RGP1: variants seen among roughly 807,000 people sequenced by gnomAD.
RGP1 encodes the protein RAB6A-GEF complex partner protein 2.
A neutral mutation model predicts 44.5 loss-of-function variants in RGP1; 28 were observed. That is an observed-to-expected ratio of 0.63 (90% CI 0.47 to 0.86). The LOEUF is 0.86. Among genes scored for constraint, RGP1 ranks in the 40% least tolerant of loss-of-function variants. The probability of loss-of-function intolerance (pLI) is 0.00; values close to 1 mark genes in which losing one functional copy is unlikely to be tolerated. For missense variants in RGP1, 417 were observed against 490.7 expected (o/e 0.85, Z 1.42); for synonymous variants, 212 against 196.7 (o/e 1.08, Z -0.65).
At position 35,753,721 on chromosome 9, in the gene RGP1, G is replaced by A. The variant is rs777178904; in HGVS notation, c.*847G>A. The A allele has an allele frequency of 1.2e-6, 2 of 1,614,172 alleles. No individual in the cohort carries two copies. Among genetic ancestry groups the A allele is most frequent in the Non-Finnish European group, 1.7e-6 (2 of 1,180,026 alleles). ...GTGCAATGGAAACAGTCCTTGCGGA[G>A]CCAAGACTCACCCAGGGTAAAATAT... On this transcript the variant is annotated 3_prime_UTR_variant, in exon 9 of 9. Coordinates refer to ENST00000378078, the MANE Select transcript of RGP1 (RefSeq NM_001080496.3). The surrounding 1 kb of genome is among the most constrained non-coding windows in gnomAD (Gnocchi z 4.2).
chr9:35,753,148 G>A lies in RGP1; in HGVS notation c.*274G>A. On this transcript the variant is annotated 3_prime_UTR_variant, in exon 9 of 9. Transcript: ENST00000378078. The surrounding 1 kb of genome is among the most constrained non-coding windows in gnomAD (Gnocchi z 4.2). ...CCCCAGGAACAGGGGTGTTGGCTGA[G>A]CCCCATTCTGGGTCAGGCCCTCCCC... The A allele has an allele frequency of 6.2e-7, 1 of 1,614,212 alleles. No homozygotes were observed. Among genetic ancestry groups the A allele is most frequent in the Non-Finnish European group, 8.5e-7 (1 of 1,180,036 alleles).
chr9:35,775,367 G>A, the RGP1 span, among the ~76,000 whole-genome samples: 1 of 152,178 alleles, frequency 6.6e-6, no homozygotes, highest in Non-Finnish European at 1.5e-5. Flanking sequence ...TGGGAAGGAG[G>A]GGAAGTGCAA....
At chr9:35,781,761 C>T in the RGP1 span, among the ~76,000 whole-genome samples, 4 of 151,770 alleles carry the variant, frequency 2.6e-5, no homozygotes, top group Admixed American at 6.6e-5. Context: ...TACATCTGTT[C>T]TGTTATTGCT....
At position 35,756,560 on chromosome 9, in the gene RGP1, G is replaced by A. The variant is rs1446301914; in HGVS notation, c.*3686G>A. On this transcript the variant is annotated 3_prime_UTR_variant, in exon 9 of 9. Transcript: ENST00000378078. ...GAGGCACGGCCTGGGCCTGCTCTCT[G>A]GGCTGGAGCAGGTGGATTCGAAGGC... 1.3e-5 allele frequency: 2 copies of A among 152,396 alleles called. No homozygotes were observed. The highest frequency in any genetic ancestry group is 2.9e-5 in the Non-Finnish European group (2 of 68,166). The allele number at this position is 152,396 out of a possible 1,614,324, so 9.4% of individuals were successfully genotyped here. A position where few individuals can be genotyped will look rare whatever the true frequency, so the allele number is the denominator to read the frequency against.
chr9:35,760,420 G>A (rs970524277), downstream of RGP1, among the ~76,000 whole-genome samples: 10 of 152,178 alleles, frequency 6.6e-5, no homozygotes, highest in African/African-American at 2.2e-4. Context: ...TATCTCAGAT[G>A]TGACAACCAA....
chr9:35,758,808 A>AT (rs796906645), downstream of RGP1, among the ~76,000 whole-genome samples: 276 of 146,180 alleles, frequency 1.9e-3, no homozygotes, highest in African/African-American at 3.1e-3. Context: ...TGCTTCACTG[A>AT]TTTTTTTTTT....
chr9:35,774,074 C>A, the RGP1 span, among the ~76,000 whole-genome samples: 1 of 152,186 alleles, frequency 6.6e-6, no homozygotes, highest in South Asian at 2.1e-4. Flanking sequence ...AAACTTTATT[C>A]TCTGATGATA....
the RGP1 span, among the ~76,000 whole-genome samples, chr9:35,781,285 C>G: frequency 6.6e-6 from 1 of 151,500 alleles, no homozygotes; most frequent in African/African-American, 2.4e-5. Flanking sequence ...GCCAGGACCA[C>G]CTGGTGGACT....
chr9:35,783,189 T>C, the RGP1 span, among the ~76,000 whole-genome samples: 1 of 152,138 alleles, frequency 6.6e-6, no homozygotes, highest in Non-Finnish European at 1.5e-5. Context: ...AGTTTAATTT[T>C]CTCTTTTTAT....
the RGP1 span, among the ~76,000 whole-genome samples, chr9:35,781,982 C>A: frequency 8.2e-6 from 1 of 121,850 alleles, no homozygotes; most frequent in Admixed American, 8.9e-5. Flanking sequence ...TTATTTCTCT[C>A]GTTTTTTTTT....
Position 35,750,641 on chromosome 9 carries a change from A to G in RGP1, c.254-17A>G. The G allele has an allele frequency of 6.2e-7, 1 of 1,613,188 alleles. No homozygotes were observed. The highest frequency in any genetic ancestry group is 8.5e-7 in the Non-Finnish European group (1 of 1,179,298). ...TGGACAATGGGTCATTAAATTAGTC[A>G]TTTTTACCTTTTTCAGGTGAGAGGG... On this transcript the variant is annotated splice_polypyrimidine_tract_variant and intron_variant, in intron 3 of 8. Transcript: ENST00000378078.
chr9:35,759,139 C>T (rs977913902), downstream of RGP1, among the ~76,000 whole-genome samples: 3 of 152,218 alleles, frequency 2.0e-5, no homozygotes, highest in African/African-American at 4.8e-5. Context: ...ACTCTCCCAA[C>T]GTTTTGCATC....
At chr9:35,779,749 CT>C in the RGP1 span, among the ~76,000 whole-genome samples, 1 of 151,406 alleles carries the variant, frequency 6.6e-6, no homozygotes, top group Non-Finnish European at 1.5e-5. Context: ...GAGCCAGCAT[CT>C]TTTTTTTTAA....
At position 35,752,925 on chromosome 9, in the gene RGP1, C is replaced by T. The variant is rs1292215988; in HGVS notation, c.*51C>T. The T allele has an allele frequency of 3.2e-6, 5 of 1,585,178 alleles. No homozygotes were observed. The African/African-American group carries it at 6.7e-5, about 21-fold the overall frequency. On this transcript the variant is annotated 3_prime_UTR_variant, in exon 9 of 9. Transcript: ENST00000378078. ...CTTCCGGATACTGAGAACTCAGCAC[C>T]TGGACTCTAATGGGACCCACTTTTT... is the stretch of plus-strand genomic sequence containing the variant.
At chr9:35,790,127 T>C in the RGP1 span, 1 of 97,120 alleles carries the variant, frequency 1.0e-5, no homozygotes, top group African/African-American at 5.3e-5. Context: ...CTTTTGACTG[T>C]TCCTTTTTTT....
Position 35,757,967 on chromosome 9 carries a change from A to C in RGP1, c.*5093A>C, listed in dbSNP as rs1306007287. The C allele has an allele frequency of 1.3e-5, 2 of 152,264 alleles. No homozygotes were observed. The highest frequency in any genetic ancestry group is 3.8e-4 in the East Asian group (2 of 5,208). The allele number at this position is 152,264 out of a possible 1,614,324, so 9.4% of individuals were successfully genotyped here. ...CACAATCTAATTCAATATTTGACTT[A>C]AAACCAAAAGTGAGGCTCTCAGATT... is the stretch of plus-strand genomic sequence containing the variant. On this transcript the variant is annotated 3_prime_UTR_variant, in exon 9 of 9. Transcript: ENST00000378078.
At chr9:35,750,765 A>T (rs578025826) in intron 4 of RGP1, 24 bp downstream of exon 4, 3 of 1,613,866 alleles carry the variant, frequency 1.9e-6, no homozygotes, top group Non-Finnish European at 2.5e-6. Context: ...CCCATCCCTG[A>T]ATTGCCTTCT....
the RGP1 span, among the ~76,000 whole-genome samples, chr9:35,777,256 A>G: frequency 6.9e-6 from 1 of 144,504 alleles, no homozygotes; most frequent in East Asian, 2.1e-4. Context: ...CAGCCTCCCC[A>G]GTAGCTGGGA....
the RGP1 span, among the ~76,000 whole-genome samples, chr9:35,771,069 TTC>T: frequency 2.1e-4 from 32 of 152,326 alleles, no homozygotes; most frequent in African/African-American, 7.5e-4. Flanking sequence ...CTTAATTTTT[TTC>T]TCTGTCTTTG....
Sources: allele counts gnomAD v4.1 joint callset (sites outside exome capture counted in the v4.1 genomes callset), GRCh38; gene constraint gnomAD v4.1.1; non-coding constraint Gnocchi (gnomAD v3.1); transcripts MANE v1.5; gene names NCBI Gene and HGNC (gene_info 2026-07-23, HGNC 2026-07-21).